The following RP1 variants were observed in gnomAD, a reference collection of about 807,000 sequenced individuals.
The protein encoded by RP1 is RP1 axonemal microtubule associated.
A neutral mutation model predicts 14.8 loss-of-function variants in RP1; 16 were observed. That is an observed-to-expected ratio of 1.08 (90% CI 0.73 to 1.65). The LOEUF is 1.65. Among genes scored for constraint, RP1 ranks in the 40% most tolerant of loss-of-function variants. RP1 has a pLI of 0.00. For missense variants in RP1, 2,631 were observed against 2,535.0 expected (o/e 1.04, Z -0.81); for synonymous variants, 876 against 883.6 (o/e 0.99, Z 0.15).
rs1056183867 is a variant in RP1, at chr8:54,831,730, T to C, written c.3616-5720T>C. Reference sequence around the variant, plus strand: ...TATATATACCCTTTTATGTATAGTATATTTACTATATCCATGCTCCTCCTT... The same window carrying C: ...TATATATACCCTTTTATGTATAGTACATTTACTATATCCATGCTCCTCCTT... On this transcript the variant is annotated intron_variant, in intron 24 of 28. Transcript: ENST00000637698. Among the ~76,000 whole-genome samples the C allele has an allele frequency of 8.6e-5, 13 of 151,886 alleles. No homozygotes were observed. The East Asian group carries it at 2.3e-3, about 27-fold the overall frequency.
At chr8:54,699,510 C>A (rs752223396) in exon 13 of RP1, 1 of 1,404,770 alleles carries the variant, frequency 7.1e-7, no homozygotes, top group Non-Finnish European at 9.4e-7. Context: ...TATGCATTTT[C>A]CAAAGTCATG....
At chr8:54,595,439 A>T (rs1017041597) in intron 1 of RP1, among the ~76,000 whole-genome samples, 1 of 152,138 alleles carries the variant, frequency 6.6e-6, no homozygotes, top group Non-Finnish European at 1.5e-5. Context: ...CCCTCCAAAC[A>T]TTTTAAACTA....
chr8:54,810,600 C>T (rs990519077), intron 24 of RP1, among the ~76,000 whole-genome samples: 7 of 152,152 alleles, frequency 4.6e-5, no homozygotes, highest in African/African-American at 1.7e-4. Context: ...CAAGCAAGTT[C>T]CACCAAGGTC....
At chr8:54,823,087 G>A (rs1013480036) in intron 24 of RP1, among the ~76,000 whole-genome samples, 1 of 151,952 alleles carries the variant, frequency 6.6e-6, no homozygotes, top group African/African-American at 2.4e-5. Context: ...GTTTTATCAG[G>A]TGTATAGCAC....
At chr8:54,705,818 G>C (rs1409220713) in intron 14 of RP1, among the ~76,000 whole-genome samples, 1 of 121,138 alleles carries the variant, frequency 8.3e-6, no homozygotes, top group Admixed American at 8.1e-5. Flanking sequence ...TCCAATTTTA[G>C]CTTTTTTTTT....
intron 12 of RP1, among the ~76,000 whole-genome samples, chr8:54,682,562 T>C (rs1253437041): frequency 6.6e-6 from 1 of 152,186 alleles, no homozygotes; most frequent in Non-Finnish European, 1.5e-5. Context: ...CATTGACTTT[T>C]TAATAATCTC....
chr8:54,807,149 G>A (rs1392058737), intron 24 of RP1, among the ~76,000 whole-genome samples: 2 of 152,118 alleles, frequency 1.3e-5, no homozygotes, highest in African/African-American at 2.4e-5. Context: ...GGATGCAAAA[G>A]GACAGGTAAC....
At chr8:54,796,705 A>G (rs1810583683) in intron 24 of RP1, among the ~76,000 whole-genome samples, 1 of 152,162 alleles carries the variant, frequency 6.6e-6, no homozygotes, top group South Asian at 2.1e-4. Context: ...AGAGTCTCAG[A>G]GGGAGTATGG....
At chr8:54,593,323 A>C (rs975858234) in intron 1 of RP1, among the ~76,000 whole-genome samples, 6 of 152,142 alleles carry the variant, frequency 3.9e-5, no homozygotes, top group Non-Finnish European at 8.8e-5. Context: ...GTAGTATATT[A>C]TTAAAGGTTG....
intron 22 of RP1, among the ~76,000 whole-genome samples, chr8:54,761,535 C>A (rs1809641281): frequency 6.6e-6 from 1 of 152,062 alleles, no homozygotes; most frequent in South Asian, 2.1e-4. Context: ...CGCACCTGGC[C>A]CCTGCACTAC....
rs779290365 is a variant in RP1, at chr8:54,626,638, G to A, written c.2756G>A (p.Trp919Ter). The change falls in exon 4 of 4, where the codon TGG (tryptophan) becomes TAG (stop). Residue 919 changes from tryptophan (W) to a stop codon, truncating the protein, a stop_gained. Transcript: ENST00000220676. LOFTEE classifies it low-confidence loss of function (END_TRUNC). ...HHSIQNYIQSWLQNINPYPTL... is the reference protein window; with the variant it reads ...HHSIQNYIQS ...TCAATTCAAAATTATATACAGAGTTGGTTGCAGAACATAAATCCATATCCA... is the reference window on the plus strand; with the variant it reads ...TCAATTCAAAATTATATACAGAGTTAGTTGCAGAACATAAATCCATATCCA... 2 of 1,613,796 alleles carry A rather than the reference G, an allele frequency of 1.2e-6. No homozygotes were observed. Among genetic ancestry groups the A allele is most frequent in the African/African-American group, 1.3e-5 (1 of 75,018 alleles).
intron 12 of RP1, among the ~76,000 whole-genome samples, chr8:54,689,721 G>C: frequency 6.6e-6 from 1 of 151,914 alleles, no homozygotes; most frequent in East Asian, 1.9e-4. Flanking sequence ...TAAGGCTAAG[G>C]TTTTTTTGCA....
At chr8:54,642,743 G>T (rs1806475045) in intron 3 of RP1, among the ~76,000 whole-genome samples, 1 of 152,040 alleles carries the variant, frequency 6.6e-6, no homozygotes, top group African/African-American at 2.4e-5. Flanking sequence ...GAGTAAAATA[G>T]TTACATTAAA....
intron 19 of RP1, among the ~76,000 whole-genome samples, chr8:54,747,224 T>C (rs531862386): frequency 1.3e-5 from 2 of 152,304 alleles, no homozygotes; most frequent in South Asian, 4.1e-4. Context: ...TGATCTCTTA[T>C]TAACATCAGT....
chr8:54,585,929 G>A (rs569156549), intron 1 of RP1, among the ~76,000 whole-genome samples: 2 of 152,286 alleles, frequency 1.3e-5, no homozygotes, highest in Middle Eastern at 3.4e-3. Context: ...TAACTTCTTT[G>A]CCATGGGTTC....
At chr8:54,728,588 G>A (rs1038106651) in intron 17 of RP1, among the ~76,000 whole-genome samples, 7 of 152,030 alleles carry the variant, frequency 4.6e-5, no homozygotes, top group African/African-American at 1.2e-4. Flanking sequence ...TATTTATTAA[G>A]AAGAAAGATG....
chr8:54,695,250 C>T (rs1010920304), intron 12 of RP1, among the ~76,000 whole-genome samples: 10 of 151,480 alleles, frequency 6.6e-5, no homozygotes, highest in Non-Finnish European at 1.0e-4. Context: ...AAATCGGGAC[C>T]CTTAATTTTT....
rs138075244 is a variant in RP1, at chr8:54,567,757, T to A, written c.-13+8437T>A. ...GTAAAATTTATGGAAGAAATGCTTG[T>A]GATTGGTGTGATCTGTGATTACTTC... On this transcript the variant is annotated intron_variant, in intron 1 of 22. Transcript: ENST00000636932. Among the ~76,000 whole-genome samples the A allele has an allele frequency of 6.1e-3, 931 of 152,308 alleles. 15 individuals are homozygous for A. Among genetic ancestry groups the A allele is most frequent in the African/African-American group, 0.021 (886 of 41,558 alleles).
chr8:54,805,538 C>G (rs1403053526), intron 24 of RP1, among the ~76,000 whole-genome samples: 1 of 152,102 alleles, frequency 6.6e-6, no homozygotes, highest in Non-Finnish European at 1.5e-5. Flanking sequence ...GTATATTATA[C>G]CCTGTGAATT....
Sources: allele counts gnomAD v4.1 joint callset (sites outside exome capture counted in the v4.1 genomes callset), GRCh38; gene constraint gnomAD v4.1.1; transcripts MANE v1.5; gene names NCBI Gene and HGNC (gene_info 2026-07-23, HGNC 2026-07-21).